The following LRRIQ3 variants were observed in gnomAD, a reference collection of about 807,000 sequenced individuals.
LRRIQ3 encodes leucine rich repeats and IQ motif containing 3.
A neutral mutation model predicts 59.3 loss-of-function variants in LRRIQ3; 75 were observed. The observed-to-expected ratio is 1.26, with a 90% CI of 1.05 to 1.53. LRRIQ3 has a LOEUF of 1.53. Ranked by LOEUF, LRRIQ3 falls within the 40% of genes most tolerant of loss-of-function variation. LRRIQ3 has a pLI of 0.00. For synonymous variants in LRRIQ3, 250 were observed against 231.3 expected (o/e 1.08, Z -0.73); for missense variants, 831 against 710.0 (o/e 1.17, Z -1.94).
chr1:74,092,497 C>G (rs1030700473), intron 5 of LRRIQ3, among the ~76,000 whole-genome samples: 1 of 151,944 alleles, frequency 6.6e-6, no homozygotes, highest in Non-Finnish European at 1.5e-5. Context: ...GCTGGTGACC[C>G]TTGTTATTAT....
At chr1:74,134,465 A>G (rs561424913) in intron 4 of LRRIQ3, among the ~76,000 whole-genome samples, 4 of 152,120 alleles carry the variant, frequency 2.6e-5, no homozygotes, top group Admixed American at 2.0e-4. Context: ...AAACATGAGT[A>G]ATAGAAATTA....
At chr1:74,142,937 G>T (rs1372469521) in intron 4 of LRRIQ3, among the ~76,000 whole-genome samples, 1 of 151,956 alleles carries the variant, frequency 6.6e-6, no homozygotes, top group Admixed American at 6.6e-5. Flanking sequence ...AAGCTGTCTT[G>T]TATGTGTATC....
intron 3 of LRRIQ3, among the ~76,000 whole-genome samples, chr1:74,157,123 A>T (rs970369294): frequency 4.6e-5 from 7 of 152,010 alleles, no homozygotes; most frequent in African/African-American, 1.7e-4. Context: ...TCTTTATTCT[A>T]TTCCCAACAT....
At chr1:74,187,197 A>G (rs1365147271) in intron 1 of LRRIQ3, among the ~76,000 whole-genome samples, 2 of 152,152 alleles carry the variant, frequency 1.3e-5, no homozygotes, top group African/African-American at 2.4e-5. Flanking sequence ...AAAGGAAAAT[A>G]ATTCATTATA....
chr1:74,094,698 C>A (rs1459387431), intron 5 of LRRIQ3, among the ~76,000 whole-genome samples: 3 of 152,006 alleles, frequency 2.0e-5, no homozygotes, highest in Non-Finnish European at 4.4e-5. Flanking sequence ...CAAATTAATC[C>A]AGACAGCTAA....
chr1:74,076,964 T>G (rs947490582), intron 5 of LRRIQ3, among the ~76,000 whole-genome samples: 1 of 152,056 alleles, frequency 6.6e-6, no homozygotes, highest in African/African-American at 2.4e-5. Flanking sequence ...ATTTAAAAAT[T>G]TTTCAATGTT....
intron 4 of LRRIQ3, among the ~76,000 whole-genome samples, chr1:74,113,961 ATCTC>A (rs969820192): frequency 3.3e-5 from 5 of 151,476 alleles, no homozygotes; most frequent in South Asian, 2.1e-4. Context: ...CTCTTTCTCT[ATCTC>A]TCTCTCTATA....
chr1:74,109,578 T>C, intron 4 of LRRIQ3, 25 bp from the exon 5 acceptor site: 2 of 1,530,080 alleles, frequency 1.3e-6, no homozygotes, highest in South Asian at 1.3e-5. Context: ...AGGGGAAAAC[T>C]ATTTGTTAGT....
intron 7 of LRRIQ3, among the ~76,000 whole-genome samples, chr1:74,027,503 C>T (rs1037773030): frequency 6.6e-6 from 1 of 152,130 alleles, no homozygotes; most frequent in Admixed American, 6.6e-5. Flanking sequence ...CATGGGAGGA[C>T]ACAAGGCAAA....
intron 5 of LRRIQ3, among the ~76,000 whole-genome samples, chr1:74,088,188 CAT>C (rs1557609116): frequency 6.6e-6 from 1 of 152,074 alleles, no homozygotes; most frequent in Non-Finnish European, 1.5e-5. Context: ...TAACTCTCCA[CAT>C]AGATTTCTAT....
At chr1:74,063,725 T>G (rs550346595) in intron 6 of LRRIQ3, among the ~76,000 whole-genome samples, 3 of 152,134 alleles carry the variant, frequency 2.0e-5, no homozygotes, top group African/African-American at 7.2e-5. Context: ...CTCTGATGAT[T>G]GCTGTTTGCA....
intron 4 of LRRIQ3, among the ~76,000 whole-genome samples, chr1:74,114,119 A>T (rs1011670528): frequency 6.6e-6 from 1 of 151,954 alleles, no homozygotes; most frequent in African/African-American, 2.4e-5. Context: ...GGTGAGAGCA[A>T]GTTGGAATAG....
intron 5 of LRRIQ3, among the ~76,000 whole-genome samples, chr1:74,103,005 T>C (rs551247601): frequency 6.6e-6 from 1 of 152,096 alleles, no homozygotes; most frequent in East Asian, 1.9e-4. Context: ...ACAATTATCT[T>C]TAGCCTCTGG....
At chr1:74,084,370 A>C (rs963117316) in intron 5 of LRRIQ3, among the ~76,000 whole-genome samples, 1 of 151,786 alleles carries the variant, frequency 6.6e-6, no homozygotes, top group Non-Finnish European at 1.5e-5. Context: ...AATTCTAATA[A>C]TCTTGGCTCT....
intron 6 of LRRIQ3, among the ~76,000 whole-genome samples, chr1:74,050,149 C>G (rs533795165): frequency 2.7e-4 from 41 of 152,086 alleles, no homozygotes; most frequent in African/African-American, 8.4e-4. Context: ...CTCTCAAACT[C>G]CTGACCTCAT....
chr1:74,041,505 T>C lies in LRRIQ3; in HGVS notation c.1426A>G (p.Lys476Glu). The C allele has an allele frequency of 1.9e-6, 3 of 1,611,732 alleles. No homozygotes were observed. The highest frequency in any genetic ancestry group is 8.5e-7 in the Non-Finnish European group (1 of 1,179,458). The part of the protein sequence containing the change: ...YATQKLIEEN[K>E]ETIQNSLRQV... ...CGTAAACTGTTCTGAATTGTCTCTT[T>C]ATTTTCTTCAATTAGTTTTTGTGTA... Residue 476 changes from lysine to glutamate, a missense_variant, in exon 7 of 8, where the codon AAA (lysine) becomes GAA (glutamate). Lys to Glu is a moderately conservative substitution (Grantham distance 56). Transcript: ENST00000354431.
intron 4 of LRRIQ3, among the ~76,000 whole-genome samples, chr1:74,134,430 A>G (rs1647085185): frequency 6.6e-6 from 1 of 152,044 alleles, no homozygotes; most frequent in Admixed American, 6.6e-5. Context: ...GTGACATCAG[A>G]CAGTAACTTC....
chr1:74,149,687 C>T (rs1316345443), intron 4 of LRRIQ3, among the ~76,000 whole-genome samples: 1 of 152,036 alleles, frequency 6.6e-6, no homozygotes, highest in Non-Finnish European at 1.5e-5. Context: ...TTTTCTTATT[C>T]CCCTTTACTC....
chr1:74,181,570 G>A (rs1055244394), intron 3 of LRRIQ3: 6 of 151,548 alleles, frequency 4.0e-5, no homozygotes, highest in African/African-American at 7.3e-5. Flanking sequence ...GCCATACTAC[G>A]CAACTGAAGT....
Sources: gnomAD v4.1 joint callset for allele counts (sites outside exome capture counted in the v4.1 genomes callset) on GRCh38, gnomAD v4.1.1 for gene constraint, MANE v1.5 for transcripts, NCBI Gene and HGNC (gene_info 2026-07-23, HGNC 2026-07-21) for gene names.